Variants in PLXDC2 observed in about 807,000 individuals in gnomAD.
PLXDC2 encodes plexin domain-containing protein 2.
PLXDC2 carries 40 observed loss-of-function variants against 68.9 expected under a neutral mutation model. The ratio of observed to expected loss-of-function variants is 0.58; its 90% CI spans 0.45 to 0.76. The LOEUF (loss-of-function observed/expected upper bound fraction) is 0.76, where lower values mean the gene tolerates loss of function less well. Among genes scored for constraint, PLXDC2 ranks in the 30% least tolerant of loss-of-function variants. The pLI, the probability that PLXDC2 is intolerant of heterozygous loss-of-function variation, is 0.00. For missense variants in PLXDC2, 644 were observed against 661.9 expected (o/e 0.97, Z 0.30); for synonymous variants, 243 against 234.2 (o/e 1.04, Z -0.34).
chr10:20,167,976 A>T (rs1484655934), intron 7 of PLXDC2, among the ~76,000 whole-genome samples: 3 of 152,288 alleles, frequency 2.0e-5, no homozygotes, highest in South Asian at 4.1e-4. Flanking sequence ...AAATGATTTC[A>T]ATGTAAATTT....
At chr10:19,860,251 C>T (rs12571401) in intron 1 of PLXDC2, among the ~76,000 whole-genome samples, 11,888 of 152,224 alleles carry the variant, frequency 0.078, 590 homozygotes, top group East Asian at 0.12. Flanking sequence ...TGTTTGTTCA[C>T]TGGTAAAGTA....
At chr10:19,905,312 G>A (rs1833136843) in intron 1 of PLXDC2, among the ~76,000 whole-genome samples, 1 of 152,204 alleles carries the variant, frequency 6.6e-6, no homozygotes, top group Admixed American at 6.5e-5. Context: ...AAGAAACATG[G>A]TCCAAACATC....
At chr10:20,108,939 T>C (rs891692724) in intron 4 of PLXDC2, among the ~76,000 whole-genome samples, 2 of 152,196 alleles carry the variant, frequency 1.3e-5, no homozygotes, top group Admixed American at 6.5e-5. Flanking sequence ...CATTTGTTTA[T>C]GTATAAAATA....
At chr10:19,879,464 C>G (rs1837690462) in intron 1 of PLXDC2, among the ~76,000 whole-genome samples, 1 of 151,986 alleles carries the variant, frequency 6.6e-6, no homozygotes, top group Admixed American at 6.6e-5. Context: ...TCAAATTGTG[C>G]CATTATTTAT....
At chr10:20,051,214 C>T (rs1835892918) in intron 3 of PLXDC2, among the ~76,000 whole-genome samples, 1 of 151,512 alleles carries the variant, frequency 6.6e-6, no homozygotes, top group Non-Finnish European at 1.5e-5. Flanking sequence ...TAGGGAAAAA[C>T]AGACGCCGGA....
chr10:19,979,180 C>T (rs1421277613), intron 1 of PLXDC2, among the ~76,000 whole-genome samples: 3 of 152,060 alleles, frequency 2.0e-5, no homozygotes, highest in Non-Finnish European at 4.4e-5. Flanking sequence ...CTGCATAAGA[C>T]TTTAAATGCT....
chr10:19,937,981 C>T (rs1833757250), intron 1 of PLXDC2, among the ~76,000 whole-genome samples: 1 of 152,104 alleles, frequency 6.6e-6, no homozygotes, highest in Non-Finnish European at 1.5e-5. Flanking sequence ...ATAGCTAACA[C>T]ATTTTCCTTC....
At chr10:19,873,740 A>G (rs1001917234) in intron 1 of PLXDC2, among the ~76,000 whole-genome samples, 1 of 152,244 alleles carries the variant, frequency 6.6e-6, no homozygotes, top group Non-Finnish European at 1.5e-5. Context: ...GAAAATGTAC[A>G]TGATAAGAAA....
intron 4 of PLXDC2, among the ~76,000 whole-genome samples, chr10:20,100,001 G>T (rs1272098549): frequency 2.6e-5 from 4 of 152,108 alleles, no homozygotes; most frequent in Non-Finnish European, 2.9e-5. Context: ...TTCAAAAATT[G>T]AATTAATTGA....
At chr10:19,822,188 A>G (rs1313040677) in intron 1 of PLXDC2, among the ~76,000 whole-genome samples, 2 of 149,456 alleles carry the variant, frequency 1.3e-5, no homozygotes, top group East Asian at 3.9e-4. Flanking sequence ...TATGCACTAT[A>G]TAGTATATAT....
chr10:20,136,334 G>C (rs908343486), intron 4 of PLXDC2, among the ~76,000 whole-genome samples: 1 of 152,112 alleles, frequency 6.6e-6, no homozygotes, highest in East Asian at 1.9e-4. Context: ...GCCACACATG[G>C]TTTTGTTAAA....
At chr10:20,088,092 G>C (rs1833225129) in intron 4 of PLXDC2, among the ~76,000 whole-genome samples, 3 of 152,082 alleles carry the variant, frequency 2.0e-5, no homozygotes, top group Non-Finnish European at 4.4e-5. Context: ...AACAGCCATG[G>C]GTCAAAGAGT....
chr10:20,236,195 A>G (rs1835430027), intron 12 of PLXDC2, among the ~76,000 whole-genome samples: 1 of 152,098 alleles, frequency 6.6e-6, no homozygotes, highest in African/African-American at 2.4e-5. Context: ...TAATTCCAGC[A>G]CTTTGGGAGG....
chr10:20,021,681 AT>A (rs1316066478), intron 2 of PLXDC2, among the ~76,000 whole-genome samples: 2 of 149,560 alleles, frequency 1.3e-5, no homozygotes, highest in African/African-American at 2.5e-5. Context: ...TTTTTTTATT[AT>A]TTATTTATTT....
Position 20,287,722 on chromosome 10 carries a change from C to T in PLXDC2, c.*7903C>T, listed in dbSNP as rs969479004. ...GTATGGCGTAACCCAGTCTTGGGGC[C>T]CTCACGGAGAAGAGGGGGAAGTCTT... On this transcript the variant is annotated 3_prime_UTR_variant, in exon 14 of 14. Transcript: ENST00000377252. 1.1e-4 allele frequency: 16 copies of T among 151,968 alleles called. No individual in the cohort carries two copies. The highest frequency in any genetic ancestry group is 2.2e-4 in the Non-Finnish European group (15 of 68,018). The allele number at this position is 151,968 out of a possible 1,614,324, so 9.4% of individuals were successfully genotyped here.
chr10:20,262,649 C>T (rs187121711), intron 13 of PLXDC2, among the ~76,000 whole-genome samples: 7 of 152,344 alleles, frequency 4.6e-5, no homozygotes, highest in Admixed American at 3.3e-4. Context: ...TACCGAATCC[C>T]GTACCTCCCC....
intron 1 of PLXDC2, among the ~76,000 whole-genome samples, chr10:19,920,793 A>AGCAACCT (rs1833448621): frequency 6.6e-6 from 1 of 152,180 alleles, no homozygotes; most frequent in African/African-American, 2.4e-5. Flanking sequence ...CCTGGCCTCA[A>AGCAACCT]GCAACCTGCT....
At chr10:19,994,719 A>G (rs556119052) in intron 1 of PLXDC2, among the ~76,000 whole-genome samples, 31 of 151,950 alleles carry the variant, frequency 2.0e-4, no homozygotes, top group African/African-American at 7.2e-4. Context: ...ATGAGCAGTT[A>G]ACCTGGTTAA....
chr10:20,124,619 AG>A (rs1207556349), intron 4 of PLXDC2, among the ~76,000 whole-genome samples: 1 of 151,922 alleles, frequency 6.6e-6, no homozygotes, highest in African/African-American at 2.4e-5. Context: ...AGGCGGGCTG[AG>A]TCCGAAAAGA....
Sources: gnomAD v4.1 joint callset for allele counts (sites outside exome capture counted in the v4.1 genomes callset) on GRCh38, gnomAD v4.1.1 for gene constraint, MANE v1.5 for transcripts, NCBI Gene and HGNC (gene_info 2026-07-23, HGNC 2026-07-21) for gene names.